FKBP8: variants seen among roughly 807,000 people sequenced by gnomAD.
FKBP8 encodes the protein FKBP prolyl isomerase 8, also known as peptidyl-prolyl cis-trans isomerase FKBP8.
FKBP8 carries 5 observed loss-of-function variants against 41.7 expected under a neutral mutation model. The ratio of observed to expected loss-of-function variants is 0.12; its 90% CI spans 0.06 to 0.25. FKBP8 has a LOEUF of 0.25. FKBP8 is among the 10% of genes least tolerant of loss of function. FKBP8 has a pLI of 1.00. For synonymous variants in FKBP8, 279 were observed against 254.5 expected, an observed-to-expected ratio of 1.10 and a Z score of -0.92; for missense variants, 397 against 563.0, an observed-to-expected ratio of 0.71 and a Z score of 2.98.
At chr19:18,533,079 A>G in intron 7 of FKBP8, 191 bp downstream of exon 7, 1 of 676,794 alleles carries the variant, frequency 1.5e-6, no homozygotes, top group Non-Finnish European at 2.4e-6. Flanking sequence ...CTGCTGGAGG[A>G]GTGAGAGCCC....
At chr19:18,532,325 A>G in intron 8 of FKBP8, 70 bp from the exon 9 acceptor site, 2 of 1,389,906 alleles carry the variant, frequency 1.4e-6, no homozygotes, top group South Asian at 2.5e-5. Flanking sequence ...CTCAGCTGCC[A>G]GCACAGCCCA....
At chr19:18,533,482 C>A in intron 6 of FKBP8, 135 bp from the exon 7 acceptor site, 2 of 508,054 alleles carry the variant, frequency 3.9e-6, no homozygotes, top group Non-Finnish European at 3.3e-6. Context: ...AAGACTCCAT[C>A]TCAAAAAATA....
chr19:18,532,357 T>G (rs961736178), intron 8 of FKBP8, 102 bp from the exon 9 acceptor site: 4 of 1,162,502 alleles, frequency 3.4e-6, no homozygotes, highest in Non-Finnish European at 3.8e-6. Flanking sequence ...CAACAAATCA[T>G]TGCCTGACTA....
intron 2 of FKBP8, among the ~76,000 whole-genome samples, chr19:18,540,086 C>T (rs934604787): frequency 1.3e-4 from 20 of 151,900 alleles, no homozygotes; most frequent in African/African-American, 4.4e-4. Flanking sequence ...TTCAGCCCAG[C>T]GTCTGGGCAA....
chr19:18,539,769 G>T (rs1487781925), intron 2 of FKBP8, 49 bp from the exon 3 acceptor site: 2 of 1,591,372 alleles, frequency 1.3e-6, no homozygotes, highest in African/African-American at 1.3e-5. Flanking sequence ...GCTCAAACAG[G>T]CACCCGCTCC....
chr19:18,536,696 C>T (rs1976586616), intron 6 of FKBP8, among the ~76,000 whole-genome samples: 1 of 152,146 alleles, frequency 6.6e-6, no homozygotes, highest in Admixed American at 6.5e-5. Context: ...CTACTATGTA[C>T]CTGGCCCTGT....
chr19:18,536,688 A>T (rs1036952019), intron 6 of FKBP8, among the ~76,000 whole-genome samples: 1 of 152,156 alleles, frequency 6.6e-6, no homozygotes, highest in Non-Finnish European at 1.5e-5. Context: ...CTGAGCACCT[A>T]CTATGTACCT....
chr19:18,532,041 A>G lies in FKBP8; in HGVS notation c.*128T>C, dbSNP rs1294919933. ...CTGCTGGCTGGGCTGCACGACCCCCAATCCTTGCTCCCCTAACCCGGAGGA... is the reference window on the plus strand; with the variant it reads ...CTGCTGGCTGGGCTGCACGACCCCCGATCCTTGCTCCCCTAACCCGGAGGA... On this transcript the variant is annotated 3_prime_UTR_variant, in exon 9 of 9. Transcript: ENST00000608443. The G allele has an allele frequency of 3.7e-6, 3 of 818,020 alleles. No homozygotes were observed. In the Admixed American group the frequency reaches 6.6e-5, roughly 18 times the overall value. 50.7% of individuals were successfully genotyped at this position (818,020 alleles called of 1,614,324 possible).
At position 18,537,278 on chromosome 19, in the gene FKBP8, C is replaced by T. The variant is rs781535251; in HGVS notation, c.945+323G>A. Among the ~76,000 whole-genome samples the T allele has an allele frequency of 2.6e-5, 4 of 151,968 alleles. No individual in the cohort carries two copies. The highest frequency in any genetic ancestry group is 5.9e-5 in the Non-Finnish European group (4 of 67,982). The stretch of plus-strand genomic sequence containing the variant: ...GCTTGAACCCAGGAGGAGGAGGTTG[C>T]GGTGGTGAGCTGAGATCACACCACT... On this transcript the variant is annotated intron_variant, in intron 6 of 8. Transcript: ENST00000608443. This position sits in a 1 kb window ranked among gnomAD's most constrained non-coding sequence, Gnocchi z 4.4.
At position 18,533,132 on chromosome 19, in the gene FKBP8, C is replaced by T. The variant is rs1402038531; in HGVS notation, c.1023+138G>A. On this transcript the variant is annotated intron_variant, in intron 7 of 8. Transcript: ENST00000608443. ...GTCATGAGGGTCTTCACAAGCTGACCAGGACCCTTCAGGTACCTACTCCGT... is the reference window on the plus strand; with the variant it reads ...GTCATGAGGGTCTTCACAAGCTGACTAGGACCCTTCAGGTACCTACTCCGT... The T allele has an allele frequency of 9.8e-6, 8 of 817,782 alleles. No homozygotes were observed. The African/African-American group carries it at 1.2e-4, about 12-fold the overall frequency. 50.7% of individuals were successfully genotyped at this position (817,782 alleles called of 1,614,324 possible).
At chr19:18,535,119 C>T (rs1168162576) in intron 6 of FKBP8, among the ~76,000 whole-genome samples, 1 of 152,108 alleles carries the variant, frequency 6.6e-6, no homozygotes, top group African/African-American at 2.4e-5. Context: ...GAGACAGGGC[C>T]ATGTTCCCCA....
At chr19:18,532,831 G>A (rs771530097) in intron 7 of FKBP8, 36 bp from the exon 8 acceptor site, 3 of 1,608,090 alleles carry the variant, frequency 1.9e-6, no homozygotes, top group Non-Finnish European at 2.5e-6. Flanking sequence ...ACACGCAGCG[G>A]CCAACCTGTC....
In FKBP8 at chr19:18,537,887, G is replaced by A. The variant is rs918374531; in HGVS notation, c.773-114C>T. 32 of 1,174,484 alleles carry A rather than the reference G, an allele frequency of 2.7e-5. No homozygotes were observed. Among genetic ancestry groups the A allele is most frequent in the Admixed American group, 1.5e-4 (6 of 41,158 alleles). 72.8% of individuals were successfully genotyped at this position (1,174,484 alleles called of 1,614,324 possible). ...CCTCAGTTTCCCCAATTTTAACCCC[G>A]GACCAAGGGCCACGCTTTCCTGGGG... is the stretch of plus-strand genomic sequence containing the variant. On this transcript the variant is annotated intron_variant, in intron 5 of 8. Coordinates refer to ENST00000608443, the MANE Select transcript of FKBP8 (RefSeq NM_012181.5). The surrounding 1 kb of genome is among the most constrained non-coding windows in gnomAD (Gnocchi z 4.4).
rs1976457307 is a variant in FKBP8 at position 18,531,888 on chromosome 19, A to C, written c.*281T>G. On this transcript the variant is annotated 3_prime_UTR_variant, in exon 9 of 9. Coordinates refer to ENST00000608443, the MANE Select transcript of FKBP8 (RefSeq NM_012181.5). ...GGAAGGGCTGCCCCCAGGCCTGTTG[A>C]GGAGAAACTGAGGCCAGCCCTGGCG... 1 of 454,898 alleles carries C rather than the reference A, an allele frequency of 2.2e-6. No homozygotes were observed. Among genetic ancestry groups the C allele is most frequent in the Non-Finnish European group, 4.0e-6 (1 of 246,970 alleles). 28.2% of individuals were successfully genotyped at this position (454,898 alleles called of 1,614,324 possible). A position where few individuals can be genotyped will look rare whatever the true frequency, so the allele number is the denominator to read the frequency against.
At chr19:18,533,480 A>T in intron 6 of FKBP8, 133 bp from the exon 7 acceptor site, 1 of 509,206 alleles carries the variant, frequency 2.0e-6, no homozygotes, top group South Asian at 4.4e-5. Flanking sequence ...GCAAGACTCC[A>T]TCTCAAAAAA....
intron 6 of FKBP8, among the ~76,000 whole-genome samples, chr19:18,534,193 G>C (rs899537322): frequency 6.6e-6 from 1 of 151,418 alleles, no homozygotes. Flanking sequence ...TGTAGTCCCA[G>C]CTACTCGGGA....
In FKBP8 at chr19:18,539,521, G is replaced by A. The variant is rs116035960; in HGVS notation, c.462+30C>T. On this transcript the variant is annotated intron_variant, in intron 3 of 8. Transcript: ENST00000608443. ...TCAGACCCAGCAAGGCACGCCCCTC[G>A]CCCCTGCCCTGTCCCGCCCCAGCCC... The A allele has an allele frequency of 0.017, 27,550 of 1,610,994 alleles. 1,735 individuals carry two copies. In the African/African-American group the frequency reaches 0.21, roughly 12 times the overall value.
rs760166092 is a variant in FKBP8, at chr19:18,541,911, C to A, written c.60G>T (p.Pro20=). The A allele has an allele frequency of 6.2e-7, 1 of 1,613,966 alleles. No homozygotes were observed. The part of the protein sequence containing the change: ...PSAPLPAGVP[P]LEDFEVLDGV... ...CATCCAGTACCTCGAAGTCCTCGAG[C>A]GGTGGGACCCCGGCGGGCAGTGGGG... The change falls in exon 2 of 9, where the codon CCG becomes CCT. Residue 20 remains proline, a synonymous_variant. Transcript: ENST00000608443.
chr19:18,532,790 G>A lies in FKBP8; in HGVS notation c.1029C>T (p.Ile343=). 6.2e-7 allele frequency: 1 copy of A among 1,613,834 alleles called. No homozygotes were observed. Among genetic ancestry groups the A allele is most frequent in the African/African-American group, 1.3e-5 (1 of 75,072 alleles). The change falls in exon 8 of 9, where the codon ATC becomes ATT. Residue 343 remains isoleucine, a synonymous_variant. Coordinates refer to ENST00000608443, the MANE Select transcript of FKBP8 (RefSeq NM_012181.5). ...ALKLEPSNKT[I]HAELSKLVKK... ...TCACCAGCTTTGAGAGCTCTGCGTG[G>A]ATCGTCTGCAGAAGGCAGGGGAAGC...
Sources: gnomAD v4.1 joint callset for allele counts (sites outside exome capture counted in the v4.1 genomes callset) on GRCh38, gnomAD v4.1.1 for gene constraint, Gnocchi (gnomAD v3.1) non-coding constraint, MANE v1.5 for transcripts, NCBI Gene and HGNC (gene_info 2026-07-23, HGNC 2026-07-21) for gene names.